Variants in DIXDC1 observed in about 807,000 individuals in gnomAD.
DIXDC1 encodes DIX domain containing 1, also known as dixin.
A neutral mutation model predicts 103.1 loss-of-function variants in DIXDC1; 64 were observed. The observed-to-expected ratio is 0.62, with a 90% CI of 0.51 to 0.76. The LOEUF (loss-of-function observed/expected upper bound fraction) is 0.76, where lower values mean the gene tolerates loss of function less well. Ranked by LOEUF, DIXDC1 falls within the 30% of genes least tolerant of loss-of-function variation. The pLI is 0.00. For synonymous variants in DIXDC1, 266 were observed against 298.5 expected (o/e 0.89, Z 1.12); for missense variants, 759 against 834.2 (o/e 0.91, Z 1.11).
At chr11:111,985,469 T>A (rs2137560426) in intron 8 of DIXDC1, 148 bp downstream of exon 8, 1 of 648,644 alleles carries the variant, frequency 1.5e-6, no homozygotes, top group East Asian at 2.8e-5. Flanking sequence ...ATTGTTTCCT[T>A]CTTCATTCAT....
rs1200492042 is a variant in DIXDC1 at position 111,975,612 on chromosome 11, C to T, written c.656+629C>T. ...CAGAAAAAAGATTACTTTACTGGCT[C>T]ATGTAAATTGTGCTTCTATAAACAC... On this transcript the variant is annotated intron_variant, in intron 5 of 19. Transcript: ENST00000440460. The T allele has an allele frequency of 2.2e-5, 22 of 985,934 alleles. No individual in the cohort carries two copies. The African/African-American group carries it at 3.0e-4, about 13-fold the overall frequency. 61.1% of individuals were successfully genotyped at this position (985,934 alleles called of 1,614,324 possible).
chr11:112,002,465 A>G (rs1382680010), intron 17 of DIXDC1, among the ~76,000 whole-genome samples: 3 of 152,230 alleles, frequency 2.0e-5, no homozygotes, highest in African/African-American at 7.2e-5. Context: ...TCAAAGAGGT[A>G]TCTGCATTCT....
intron 17 of DIXDC1, among the ~76,000 whole-genome samples, chr11:111,996,875 T>C (rs1339110225): frequency 6.6e-6 from 1 of 152,162 alleles, no homozygotes; most frequent in African/African-American, 2.4e-5. Context: ...CTTTGAGTGC[T>C]TAAGGCGTTT....
chr11:111,974,969 A>G lies in DIXDC1; in HGVS notation c.642A>G (p.Glu214=). 1 of 1,612,130 alleles carries G rather than the reference A, an allele frequency of 6.2e-7. No individual in the cohort carries two copies. The highest frequency in any genetic ancestry group is 8.5e-7 in the Non-Finnish European group (1 of 1,179,342). ...QYEGQQRSPS[E]SSCSSLTSPS... ...AAGGGCAACAAAGGTCCCCGTCTGA[A>G]TCCAGCTGCTCCAGGTAACTGTGGC... The change falls in exon 5 of 20, where the codon GAA becomes GAG. Residue 214 remains glutamate, a synonymous_variant. Coordinates refer to ENST00000440460, the MANE Select transcript of DIXDC1 (RefSeq NM_001037954.4).
intron 14 of DIXDC1, 116 bp from the exon 15 acceptor site, chr11:111,994,903 A>T: frequency 1.0e-6 from 1 of 994,914 alleles, no homozygotes; most frequent in Non-Finnish European, 1.5e-6. Flanking sequence ...GAGAGCCATT[A>T]AACAGACAAT....
chr11:111,987,448 C>G (rs191586252), intron 9 of DIXDC1, among the ~76,000 whole-genome samples: 2 of 152,040 alleles, frequency 1.3e-5, no homozygotes, highest in Admixed American at 1.3e-4. Context: ...TTGTACCATT[C>G]TATATGTTTG....
chr11:112,002,798 TAAAC>T (rs1216360122), intron 17 of DIXDC1, among the ~76,000 whole-genome samples: 5 of 151,740 alleles, frequency 3.3e-5, no homozygotes, highest in African/African-American at 7.3e-5. Context: ...AAACACCAAA[TAAAC>T]AAAAACACAA....
rs1362394037 is a variant in DIXDC1, at chr11:111,998,682, C to A, written c.1756+2536C>A. On this transcript the variant is annotated intron_variant, in intron 17 of 19. Transcript: ENST00000440460. This position sits in a 1 kb window ranked among gnomAD's most constrained non-coding sequence, Gnocchi z 4.1. Reference sequence around the variant, plus strand: ...CCTCAGCCTCCTGATTACAGGCGCCCGCCACCACGCCCGGCTAATTTTTTG... The same window carrying A: ...CCTCAGCCTCCTGATTACAGGCGCCAGCCACCACGCCCGGCTAATTTTTTG... Among the ~76,000 whole-genome samples, 1 of 151,938 alleles carries A rather than the reference C, an allele frequency of 6.6e-6. No homozygotes were observed. Among genetic ancestry groups the A allele is most frequent in the Non-Finnish European group, 1.5e-5 (1 of 67,988 alleles).
In DIXDC1 at chr11:111,998,098, CTT is replaced by C. The variant is rs587707029; in HGVS notation, c.1756+1956_1756+1957del. Among the ~76,000 whole-genome samples, 361 of 152,268 alleles carry C rather than the reference CTT, an allele frequency of 2.4e-3. 2 individuals carry two copies. The highest frequency in any genetic ancestry group is 8.1e-3 in the African/African-American group (338 of 41,550). On this transcript the variant is annotated intron_variant, in intron 17 of 19. Coordinates refer to ENST00000440460, the MANE Select transcript of DIXDC1 (RefSeq NM_001037954.4). This position sits in a 1 kb window ranked among gnomAD's most constrained non-coding sequence, Gnocchi z 4.1. ...TTCTTGTCGCCTAATCAAGTGGTTA[CTT>C]TTTAAACCTTATCTTTCATTGTCTT...
At chr11:111,945,154 C>T (rs1374331731) in intron 1 of DIXDC1, among the ~76,000 whole-genome samples, 2 of 152,192 alleles carry the variant, frequency 1.3e-5, no homozygotes. Context: ...AGGATCTCTT[C>T]CTCTGTTCTC....
chr11:111,980,657 T>A, intron 5 of DIXDC1, 80 bp from the exon 6 acceptor site: 2 of 1,163,524 alleles, frequency 1.7e-6, no homozygotes, highest in Non-Finnish European at 2.5e-6. Context: ...ATGTCCCTGT[T>A]CTCAGGAATA....
intron 5 of DIXDC1, chr11:111,975,899 GCTAA>G: frequency 1.0e-6 from 1 of 977,456 alleles, no homozygotes; most frequent in Non-Finnish European, 1.2e-6. Flanking sequence ...TGGTAAACTT[GCTAA>G]CTTTTTACCT....
At position 111,993,503 on chromosome 11, in the gene DIXDC1, T is replaced by G. The variant is rs782387931; in HGVS notation, c.1280T>G (p.Leu427Arg). The change falls in exon 13 of 20, where the codon CTG (leucine) becomes CGG (arginine). Residue 427 changes from leucine to arginine, a missense_variant. Physicochemically the swap from Leu to Arg is moderately radical, Grantham distance 102. Coordinates refer to ENST00000440460, the MANE Select transcript of DIXDC1 (RefSeq NM_001037954.4). ...NRLLGEYKKELGQKDRLLQQH... is the reference protein window; with the variant it reads ...NRLLGEYKKERGQKDRLLQQH... ...GCTCTATCTTTATTGCAGAAAGAGCTGGGGCAGAAGGATCGCCTTCTTCAG... is the reference window on the plus strand; with the variant it reads ...GCTCTATCTTTATTGCAGAAAGAGCGGGGGCAGAAGGATCGCCTTCTTCAG... The G allele has an allele frequency of 3.1e-6, 5 of 1,614,042 alleles. No homozygotes were observed. The South Asian group carries it at 5.5e-5, about 18-fold the overall frequency.
intron 14 of DIXDC1, 85 bp downstream of exon 14, chr11:111,993,825 A>C (rs1860790725): frequency 4.0e-6 from 6 of 1,487,146 alleles, no homozygotes; most frequent in Non-Finnish European, 5.5e-6. Flanking sequence ...AACCAAGGCC[A>C]CAGGCTTGTT....
chr11:111,970,450 C>A (rs1479310495), intron 3 of DIXDC1, among the ~76,000 whole-genome samples: 3 of 151,778 alleles, frequency 2.0e-5, no homozygotes, highest in Non-Finnish European at 4.4e-5. Context: ...TGACCACACA[C>A]AAAAAAGAAA....
rs1278472915 is a variant in DIXDC1 at position 112,016,925 on chromosome 11, A to G, written c.1862+129A>G. The G allele has an allele frequency of 5.5e-6, 4 of 728,262 alleles. No individual in the cohort carries two copies. In the Admixed American group the frequency reaches 1.3e-4, roughly 23 times the overall value. The allele number at this position is 728,262 out of a possible 1,614,324, so 45.1% of individuals were successfully genotyped here. On this transcript the variant is annotated intron_variant, in intron 18 of 19. Transcript: ENST00000440460. ...TATAGTGAGATCTCACTATAGTGAG[A>G]TAAGCCAGAGAGACAGATTCTAGTT...
intron 14 of DIXDC1, 143 bp downstream of exon 14, chr11:111,993,883 T>C: frequency 1.1e-6 from 1 of 924,562 alleles, no homozygotes; most frequent in Non-Finnish European, 1.6e-6. Flanking sequence ...GGTTCCAGAA[T>C]AAGAAAATCT....
At position 111,977,870 on chromosome 11, in the gene DIXDC1, G is replaced by A; in HGVS notation, c.657-2867G>A. On this transcript the variant is annotated intron_variant, in intron 5 of 19. Coordinates refer to ENST00000440460, the MANE Select transcript of DIXDC1 (RefSeq NM_001037954.4). This position sits in a 1 kb window ranked among gnomAD's most constrained non-coding sequence, Gnocchi z 6.1. The stretch of plus-strand genomic sequence containing the variant: ...GGGGCAGGGCTGGAGGATGCTGTTG[G>A]CCGGAGACAGGCGGGGTGGTGGGAG... 2.0e-6 allele frequency: 3 copies of A among 1,468,684 alleles called. No homozygotes were observed. The highest frequency in any genetic ancestry group is 1.4e-5 in the South Asian group (1 of 73,962). The allele number at this position is 1,468,684 out of a possible 1,614,324, so 91.0% of individuals were successfully genotyped here.
Position 111,982,375 on chromosome 11 carries a change from C to T in DIXDC1, c.806C>T (p.Pro269Leu), listed in dbSNP as rs1555173328. 6.8e-6 allele frequency: 11 copies of T among 1,613,810 alleles called. No individual in the cohort carries two copies. The South Asian group carries it at 1.1e-4, about 16-fold the overall frequency. Residue 269 changes from proline (P) to leucine (L), a missense_variant, in exon 7 of 20, where the codon CCA becomes CTA. Pro to Leu is a moderately conservative substitution (Grantham distance 98, BLOSUM62 -3). Coordinates refer to ENST00000440460, the MANE Select transcript of DIXDC1 (RefSeq NM_001037954.4). ...TCTCCATTATCTCGAGACTGGCGGCCAGGGAGCCCTGGAACCTATCTGGAG... is the reference window on the plus strand; with the variant it reads ...TCTCCATTATCTCGAGACTGGCGGCTAGGGAGCCCTGGAACCTATCTGGAG... ...TDSPLSRDWRPGSPGTYLETS... is the reference protein window; with the variant it reads ...TDSPLSRDWRLGSPGTYLETS...
Sources: gnomAD v4.1 joint callset for allele counts (sites outside exome capture counted in the v4.1 genomes callset) on GRCh38, gnomAD v4.1.1 for gene constraint, Gnocchi (gnomAD v3.1) non-coding constraint, MANE v1.5 for transcripts, NCBI Gene and HGNC (gene_info 2026-07-23, HGNC 2026-07-21) for gene names.